The following APCDD1 variants were observed in gnomAD, a reference collection of about 807,000 sequenced individuals.
APCDD1 encodes the protein APC down-regulated 1, also known as protein APCDD1.
In APCDD1, 15 loss-of-function variants were observed where a neutral mutation model predicts 38.1. The observed-to-expected ratio is 0.39, with a 90% CI of 0.26 to 0.61. The LOEUF is 0.61. Among genes scored for constraint, APCDD1 ranks in the 20% least tolerant of loss-of-function variants. The probability of loss-of-function intolerance (pLI) is 0.49; values close to 1 mark genes in which losing one functional copy is unlikely to be tolerated. For synonymous variants in APCDD1, 261 were observed against 279.7 expected (o/e 0.93, Z 0.67); for missense variants, 647 against 696.2 (o/e 0.93, Z 0.79).
chr18:10,478,264 GCTCT>G (rs1399719254), intron 3 of APCDD1, among the ~76,000 whole-genome samples: 1 of 152,206 alleles, frequency 6.6e-6, no homozygotes, highest in South Asian at 2.1e-4. Flanking sequence ...CCTCCCTGAG[GCTCT>G]CTGAGTACCC....
chr18:10,488,107 A>G lies in APCDD1; in HGVS notation c.*69A>G. 6.3e-7 allele frequency: 1 copy of G among 1,576,648 alleles called. No homozygotes were observed. The highest frequency in any genetic ancestry group is 8.6e-7 in the Non-Finnish European group (1 of 1,159,104). On this transcript the variant is annotated 3_prime_UTR_variant, in exon 5 of 5. Transcript: ENST00000355285. ...ATTGACAGATTTGCTTTACCAAAAG[A>G]AAAGACATTTATTCTTTTGATGCAC...
At position 10,485,651 on chromosome 18, in the gene APCDD1, T is replaced by C; in HGVS notation, c.964T>C (p.Trp322Arg). The change falls in exon 4 of 5, where the codon TGG (tryptophan) becomes CGG (arginine). Residue 322 changes from tryptophan to arginine, a missense_variant. Transcript: ENST00000355285. The surrounding 1 kb of genome is among the most constrained non-coding windows in gnomAD (Gnocchi z 5.8). ...HFIFHDNNNT[W>R]EGHYYHYSDP... The stretch of plus-strand genomic sequence containing the variant: ...CATCTTCCATGACAACAACAACACC[T>C]GGGAGGGCCACTACTACCACTACTC... 1 of 1,614,120 alleles carries C rather than the reference T, an allele frequency of 6.2e-7. No homozygotes were observed. The highest frequency in any genetic ancestry group is 8.5e-7 in the Non-Finnish European group (1 of 1,180,018).
rs1158580219 is a variant in APCDD1, at chr18:10,476,735, T to A, written c.774+4674T>A. 1 of 152,128 alleles carries A rather than the reference T, an allele frequency of 6.6e-6. No individual in the cohort carries two copies. The highest frequency in any genetic ancestry group is 1.5e-5 in the Non-Finnish European group (1 of 68,040). The allele number at this position is 152,128 out of a possible 1,614,324, so 9.4% of individuals were successfully genotyped here. ...CAGACAGCCTTCCCCAGGCTGTGCA[T>A]CTGAAATACTCGATCCCAGCACATG... On this transcript the variant is annotated intron_variant, in intron 3 of 4. Transcript: ENST00000355285. This position sits in a 1 kb window ranked among gnomAD's most constrained non-coding sequence, Gnocchi z 5.8.
At chr18:10,483,184 G>A (rs182324825) in intron 3 of APCDD1, among the ~76,000 whole-genome samples, 2 of 152,328 alleles carry the variant, frequency 1.3e-5, no homozygotes, top group East Asian at 3.9e-4. Context: ...GGAACTGGCC[G>A]GAGACATCTT....
At position 10,467,704 on chromosome 18, in the gene APCDD1, T is replaced by A. The variant is rs511168; in HGVS notation, c.59-765T>A. The stretch of plus-strand genomic sequence containing the variant: ...CTGTATTGTATGTTTAGGTTATTTC[T>A]GGCCTTGTGAGGGTGAGGGGCTGGA... On this transcript the variant is annotated intron_variant, in intron 1 of 4. Coordinates refer to ENST00000355285, the MANE Select transcript of APCDD1 (RefSeq NM_153000.5). This position sits in a 1 kb window ranked among gnomAD's most constrained non-coding sequence, Gnocchi z 4.8. Among the ~76,000 whole-genome samples, 51,933 of 152,018 alleles carry A rather than the reference T, an allele frequency of 0.34. 9,593 individuals are homozygous for A. The highest frequency in any genetic ancestry group is 0.6 in the East Asian group (3,123 of 5,172).
intron 1 of APCDD1, among the ~76,000 whole-genome samples, chr18:10,461,658 G>A (rs1368446739): frequency 6.6e-6 from 1 of 152,046 alleles, no homozygotes; most frequent in African/African-American, 2.4e-5. Flanking sequence ...AATTTATAGA[G>A]GAAAAAGAAA....
rs555461331 is a variant in APCDD1, at chr18:10,469,258, T to C, written c.242+606T>C. Among the ~76,000 whole-genome samples, 1 of 152,122 alleles carries C rather than the reference T, an allele frequency of 6.6e-6. No individual in the cohort carries two copies. The highest frequency in any genetic ancestry group is 2.1e-4 in the South Asian group (1 of 4,810). ...TTAGATTGCTGAGAATTAACAAGACTAACTCTGGGATCTGATCACTTCTCC... is the reference window on the plus strand; with the variant it reads ...TTAGATTGCTGAGAATTAACAAGACCAACTCTGGGATCTGATCACTTCTCC... On this transcript the variant is annotated intron_variant, in intron 2 of 4. Transcript: ENST00000355285. This position sits in a 1 kb window ranked among gnomAD's most constrained non-coding sequence, Gnocchi z 5.5.
Position 10,488,260 on chromosome 18 carries a change from C to A in APCDD1, c.*222C>A, listed in dbSNP as rs1183479921. ...CCAGCCTGATCCCTGGCCTGAGCAA[C>A]TTCACAACAGTAATTGCACTTTAAG... On this transcript the variant is annotated 3_prime_UTR_variant, in exon 5 of 5. Coordinates refer to ENST00000355285, the MANE Select transcript of APCDD1 (RefSeq NM_153000.5). 4.9e-6 allele frequency: 3 copies of A among 609,634 alleles called. No homozygotes were observed. Among genetic ancestry groups the A allele is most frequent in the Non-Finnish European group, 8.6e-6 (3 of 349,730 alleles). 37.8% of individuals were successfully genotyped at this position (609,634 alleles called of 1,614,324 possible). A position where few individuals can be genotyped will look rare whatever the true frequency, so the allele number is the denominator to read the frequency against.
chr18:10,472,200 C>G lies in APCDD1; in HGVS notation c.774+139C>G. On this transcript the variant is annotated intron_variant, in intron 3 of 4. Coordinates refer to ENST00000355285, the MANE Select transcript of APCDD1 (RefSeq NM_153000.5). This position sits in a 1 kb window ranked among gnomAD's most constrained non-coding sequence, Gnocchi z 6.6. ...GGGGCAGGCCAAGGTGGGGCTGCTG[C>G]GAGGTGGGAGGAGATGGGAAAGGCT... The G allele has an allele frequency of 8.0e-7, 1 of 1,243,822 alleles. No homozygotes were observed. The highest frequency in any genetic ancestry group is 1.3e-5 in the South Asian group (1 of 79,002). 77.0% of individuals were successfully genotyped at this position (1,243,822 alleles called of 1,614,324 possible).
At chr18:10,455,107 G>A in intron 1 of APCDD1, 68 bp downstream of exon 1, 1 of 1,540,556 alleles carries the variant, frequency 6.5e-7, no homozygotes, top group East Asian at 2.5e-5. Flanking sequence ...CGGAGCCCGC[G>A]GAGGCGTCGG....
At chr18:10,466,476 G>C (rs2055931385) in intron 1 of APCDD1, among the ~76,000 whole-genome samples, 1 of 152,232 alleles carries the variant, frequency 6.6e-6, no homozygotes, top group African/African-American at 2.4e-5. Context: ...CAGTGCCACA[G>C]CTGAACAACT....
chr18:10,484,043 G>A (rs1433373200), intron 3 of APCDD1, among the ~76,000 whole-genome samples: 1 of 152,234 alleles, frequency 6.6e-6, no homozygotes, highest in African/African-American at 2.4e-5. Flanking sequence ...TCTCACCAGA[G>A]AGGCCTTTCT....
chr18:10,475,805 G>C lies in APCDD1; in HGVS notation c.774+3744G>C, dbSNP rs1555645211. The stretch of plus-strand genomic sequence containing the variant: ...CGCAAGATGGCTGAGGGGGGGGGGG[G>C]TCAGTGGAAGGCCGAGTGGCTCTGG... On this transcript the variant is annotated intron_variant, in intron 3 of 4. Transcript: ENST00000355285. The surrounding 1 kb of genome is among the most constrained non-coding windows in gnomAD (Gnocchi z 4.0). 7.0e-6 allele frequency: 1 copy of C among 142,428 alleles called. No individual in the cohort carries two copies. The highest frequency in any genetic ancestry group is 6.9e-5 in the Admixed American group (1 of 14,440). The allele number at this position is 142,428 out of a possible 1,614,324, so 8.8% of individuals were successfully genotyped here. A position where few individuals can be genotyped will look rare whatever the true frequency, so the allele number is the denominator to read the frequency against.
intron 1 of APCDD1, 140 bp downstream of exon 1, chr18:10,455,179 C>G (rs2030344862): frequency 8.0e-6 from 11 of 1,373,028 alleles, no homozygotes; most frequent in African/African-American, 1.5e-5. Context: ...GGGAGCCCCG[C>G]GCCTGCCGTC....
chr18:10,458,013 T>C (rs1294588254), intron 1 of APCDD1, among the ~76,000 whole-genome samples: 1 of 152,256 alleles, frequency 6.6e-6, no homozygotes, highest in African/African-American at 2.4e-5. Flanking sequence ...GGTATGCAGC[T>C]GGAAGATGTC....
At chr18:10,478,815 G>A (rs11665347) in intron 3 of APCDD1, among the ~76,000 whole-genome samples, 41,831 of 152,028 alleles carry the variant, frequency 0.28, 6,014 homozygotes, top group East Asian at 0.42. Context: ...TCTGAAAGTG[G>A]CATCATCATG....
Position 10,471,812 on chromosome 18 carries a change from C to A in APCDD1, c.525C>A (p.Leu175=), listed in dbSNP as rs1399059260. Residue 175 remains leucine, a synonymous_variant, in exon 3 of 5, where the codon CTC becomes CTA. Transcript: ENST00000355285. The surrounding 1 kb of genome is among the most constrained non-coding windows in gnomAD (Gnocchi z 5.5). ...QQVNRTCPGF[L]ADGGPWVQDV... is the part of the protein sequence containing the mutation. ...TGAACCGCACATGCCCGGGCTTCCT[C>A]GCAGACGGGGGTCCCTGGGTGCAGG... The A allele has an allele frequency of 6.2e-7, 1 of 1,613,656 alleles. No individual in the cohort carries two copies. Among genetic ancestry groups the A allele is most frequent in the Admixed American group, 1.7e-5 (1 of 60,006 alleles).
Position 10,469,345 on chromosome 18 carries a change from A to C in APCDD1, c.242+693A>C, listed in dbSNP as rs2030796067. Among the ~76,000 whole-genome samples the C allele has an allele frequency of 6.6e-6, 1 of 152,214 alleles. No individual in the cohort carries two copies. The highest frequency in any genetic ancestry group is 1.5e-5 in the Non-Finnish European group (1 of 68,042). On this transcript the variant is annotated intron_variant, in intron 2 of 4. Coordinates refer to ENST00000355285, the MANE Select transcript of APCDD1 (RefSeq NM_153000.5). This position sits in a 1 kb window ranked among gnomAD's most constrained non-coding sequence, Gnocchi z 5.5. ...AAGTTCCTTGGGGAGGGATCAGATG[A>C]ATATGGAGAAGAGAAAAAAAGAAAT...
intron 3 of APCDD1, among the ~76,000 whole-genome samples, chr18:10,479,615 A>G (rs996961684): frequency 6.6e-6 from 1 of 152,210 alleles, no homozygotes; most frequent in African/African-American, 2.4e-5. Flanking sequence ...GCCAGGAGGC[A>G]GCACTCAGCA....
Sources: allele counts gnomAD v4.1 joint callset (sites outside exome capture counted in the v4.1 genomes callset), GRCh38; gene constraint gnomAD v4.1.1; non-coding constraint Gnocchi (gnomAD v3.1); transcripts MANE v1.5; gene names NCBI Gene and HGNC (gene_info 2026-07-23, HGNC 2026-07-21).